Variants in PTPRQ observed in about 807,000 individuals in gnomAD.
PTPRQ encodes phosphatidylinositol phosphatase PTPRQ.
Under a neutral mutation model 246.0 loss-of-function variants are expected in PTPRQ, and 199 were observed. The ratio of observed to expected loss-of-function variants is 0.81; its 90% CI spans 0.72 to 0.91. The LOEUF (loss-of-function observed/expected upper bound fraction) is 0.91, where lower values mean the gene tolerates loss of function less well. Ranked by LOEUF, PTPRQ falls within the 40% of genes least tolerant of loss-of-function variation. The pLI is 0.00. For missense variants in PTPRQ, 2,624 were observed against 2,528.4 expected (o/e 1.04, Z -0.81); for synonymous variants, 869 against 853.2 (o/e 1.02, Z -0.32).
intron 17 of PTPRQ, among the ~76,000 whole-genome samples, chr12:80,527,036 C>T (rs1473516226): frequency 6.6e-6 from 1 of 152,070 alleles, no homozygotes; most frequent in South Asian, 2.1e-4. Context: ...GCTTGCTATA[C>T]ATTAAGCACT....
chr12:80,599,705 T>C (rs980968925), intron 26 of PTPRQ, among the ~76,000 whole-genome samples: 10 of 151,608 alleles, frequency 6.6e-5, no homozygotes, highest in African/African-American at 2.4e-4. Flanking sequence ...TTTAAGTATA[T>C]TATAATACTC....
chr12:80,578,451 C>T (rs944867897), intron 25 of PTPRQ, among the ~76,000 whole-genome samples: 2 of 151,832 alleles, frequency 1.3e-5, no homozygotes, highest in African/African-American at 2.4e-5. Context: ...AGTGCAGTGG[C>T]GCGATCTGGG....
At chr12:80,481,502 A>G (rs897069756) in intron 8 of PTPRQ, among the ~76,000 whole-genome samples, 3 of 152,168 alleles carry the variant, frequency 2.0e-5, no homozygotes, top group East Asian at 1.9e-4. Flanking sequence ...CCTATTCAAC[A>G]TAGTGTTGGA....
intron 25 of PTPRQ, among the ~76,000 whole-genome samples, chr12:80,582,165 C>T (rs913005867): frequency 3.9e-5 from 6 of 152,076 alleles, no homozygotes; most frequent in East Asian, 1.9e-4. Context: ...AAATCAAATT[C>T]GATATATCCA....
Position 80,534,898 on chromosome 12 carries a change from G to T in PTPRQ, c.2846G>T (p.Ser949Ile), listed in dbSNP as rs2120809266. 6.5e-7 allele frequency: 1 copy of T among 1,547,938 alleles called. No homozygotes were observed. Among genetic ancestry groups the T allele is most frequent in the East Asian group, 2.5e-5 (1 of 40,628 alleles). ...ISFQTPEGAP[S>I]DPPKDVYYAN... Reference sequence around the variant, plus strand: ...TCAATTATTTGTTTTATAGCACCAAGCGATCCTCCCAAAGATGTTTATTAT... The same window carrying T: ...TCAATTATTTGTTTTATAGCACCAATCGATCCTCCCAAAGATGTTTATTAT... Residue 949 changes from serine (S) to isoleucine (I), a missense_variant, in exon 19 of 45, where the codon AGC (serine) becomes ATC (isoleucine). Physicochemically the swap from Ser to Ile is moderately radical, Grantham distance 142. Coordinates refer to ENST00000644991, the MANE Select transcript of PTPRQ (RefSeq NM_001145026.2).
In PTPRQ at chr12:80,620,172, TA is replaced by T; in HGVS notation, c.5410del (p.Thr1804GlnfsTer41). Reference sequence around the variant, plus strand: ...AAAACAGCTCAGCATGATGGAAATGTAACAAAGTGGTATGATGCATATTTTA... The same window carrying T: ...AAAACAGCTCAGCATGATGGAAATGTACAAAGTGGTATGATGCATATTTTA... ...TETGAQHDGN[V>X]TKWYDAYFNK... On this transcript the variant is annotated frameshift_variant, in exon 32 of 45. Coordinates refer to ENST00000644991, the MANE Select transcript of PTPRQ (RefSeq NM_001145026.2). LOFTEE classifies it high-confidence loss of function. The T allele has an allele frequency of 6.5e-7, 1 of 1,546,454 alleles. No individual in the cohort carries two copies. The highest frequency in any genetic ancestry group is 1.2e-5 in the South Asian group (1 of 83,410).
chr12:80,541,942 G>A (rs1896166501), intron 21 of PTPRQ, 97 bp downstream of exon 21: 2 of 1,462,210 alleles, frequency 1.4e-6, no homozygotes, highest in Admixed American at 2.8e-5. Flanking sequence ...TATTGATTCT[G>A]TTTGATCTCA....
chr12:80,546,434 A>T, intron 23 of PTPRQ, 122 bp from the exon 24 acceptor site: 1 of 979,774 alleles, frequency 1.0e-6, no homozygotes, highest in Non-Finnish European at 1.5e-6. Context: ...ATTATAATTT[A>T]AAATATCCAT....
At chr12:80,616,405 T>A in intron 30 of PTPRQ, 139 bp downstream of exon 30, 1 of 705,766 alleles carries the variant, frequency 1.4e-6, no homozygotes, top group Non-Finnish European at 2.0e-6. Flanking sequence ...TAAAAATGTG[T>A]GGTTATTAAA....
chr12:80,575,298 C>T (rs1020354774), intron 25 of PTPRQ, among the ~76,000 whole-genome samples: 1 of 151,996 alleles, frequency 6.6e-6, no homozygotes, highest in Non-Finnish European at 1.5e-5. Flanking sequence ...TTCTAAAAAT[C>T]TTTTGATCCA....
At chr12:80,572,887 G>A (rs562603784) in intron 25 of PTPRQ, among the ~76,000 whole-genome samples, 51 of 152,122 alleles carry the variant, frequency 3.4e-4, no homozygotes, top group African/African-American at 1.1e-3. Context: ...ACTATATATT[G>A]CTGGATTTGA....
At chr12:80,595,972 A>G (rs1897957839) in intron 26 of PTPRQ, among the ~76,000 whole-genome samples, 1 of 152,252 alleles carries the variant, frequency 6.6e-6, no homozygotes, top group South Asian at 2.1e-4. Context: ...TATTGCATTT[A>G]GAAATATTTC....
At chr12:80,667,895 T>C (rs574063631) in intron 39 of PTPRQ, among the ~76,000 whole-genome samples, 1 of 152,104 alleles carries the variant, frequency 6.6e-6, no homozygotes, top group South Asian at 2.1e-4. Flanking sequence ...GTATACTGTG[T>C]ATTTAAGAGA....
At chr12:80,665,172 C>A (rs1900745833) in intron 39 of PTPRQ, among the ~76,000 whole-genome samples, 1 of 151,958 alleles carries the variant, frequency 6.6e-6, no homozygotes, top group East Asian at 1.9e-4. Context: ...GTGCAAGTCC[C>A]AGAGTCCAAA....
intron 17 of PTPRQ, among the ~76,000 whole-genome samples, chr12:80,510,669 G>A (rs570008279): frequency 3.7e-4 from 56 of 152,076 alleles, no homozygotes; most frequent in African/African-American, 1.3e-3. Flanking sequence ...TATGTGTTAC[G>A]CATAATTATA....
chr12:80,469,022 A>G (rs1592544652), intron 7 of PTPRQ, among the ~76,000 whole-genome samples, 184 bp downstream of exon 7: 2 of 152,214 alleles, frequency 1.3e-5, no homozygotes, highest in Admixed American at 6.5e-5. Flanking sequence ...ATAAATGAGT[A>G]TAAGAATGAC....
At chr12:80,603,410 T>C (rs1435115598) in intron 26 of PTPRQ, among the ~76,000 whole-genome samples, 1 of 151,736 alleles carries the variant, frequency 6.6e-6, no homozygotes, top group African/African-American at 2.4e-5. Context: ...CCAAATTCTT[T>C]AACGTAACAA....
intron 17 of PTPRQ, among the ~76,000 whole-genome samples, chr12:80,517,038 G>T (rs896892209): frequency 6.6e-6 from 1 of 152,084 alleles, no homozygotes; most frequent in African/African-American, 2.4e-5. Context: ...GATGACCAAT[G>T]TTCTGACCAA....
chr12:80,614,972 A>C (rs916146897), intron 29 of PTPRQ, among the ~76,000 whole-genome samples: 1 of 150,930 alleles, frequency 6.6e-6, no homozygotes, highest in African/African-American at 2.4e-5. Context: ...AGTATCCTTA[A>C]AACCTTGAAG....
Sources: gnomAD v4.1 joint callset for allele counts (sites outside exome capture counted in the v4.1 genomes callset) on GRCh38, gnomAD v4.1.1 for gene constraint, MANE v1.5 for transcripts, NCBI Gene and HGNC (gene_info 2026-07-23, HGNC 2026-07-21) for gene names.